Variants in RGS21 observed in about 807,000 individuals in gnomAD.
The protein encoded by RGS21 is regulator of G protein signaling 21.
Under a neutral mutation model 18.7 loss-of-function variants are expected in RGS21, and 19 were observed. The observed-to-expected ratio is 1.01, with a 90% CI of 0.71 to 1.49. The LOEUF (loss-of-function observed/expected upper bound fraction) is 1.49. RGS21 is among the 40% of genes most tolerant of loss of function. RGS21 has a pLI of 0.00. For synonymous variants in RGS21, 56 were observed against 57.8 expected (o/e 0.97, Z 0.14); for missense variants, 194 against 176.8 (o/e 1.10, Z -0.55).
chr1:192,359,241 T>C (rs1018183924), intron 4 of RGS21, among the ~76,000 whole-genome samples: 7 of 152,140 alleles, frequency 4.6e-5, no homozygotes, highest in African/African-American at 1.7e-4. Flanking sequence ...AGTAGCTATT[T>C]ATGTCAGTAA....
At chr1:192,364,057 A>G (rs1659222357) in intron 4 of RGS21, among the ~76,000 whole-genome samples, 2 of 152,170 alleles carry the variant, frequency 1.3e-5, no homozygotes, top group South Asian at 4.1e-4. Context: ...AACTATCAGC[A>G]GCTTAACACT....
At chr1:192,363,780 T>C (rs531628849) in intron 4 of RGS21, among the ~76,000 whole-genome samples, 1 of 152,230 alleles carries the variant, frequency 6.6e-6, no homozygotes, top group South Asian at 2.1e-4. Flanking sequence ...CAAGGTGTAG[T>C]GGCTCTTTAG....
Position 192,363,611 on chromosome 1 carries a change from G to C in RGS21, c.256-2310G>C, listed in dbSNP as rs111682059. ...GTATATGTTCATTATATAAGTTATC[G>C]TGCCACTTAACTGCACAAAACCTTT... On this transcript the variant is annotated intron_variant, in intron 4 of 4. Coordinates refer to ENST00000417209, the MANE Select transcript of RGS21 (RefSeq NM_001039152.3). 1.4e-3 allele frequency among the ~76,000 whole-genome samples: 211 copies of C among 152,086 alleles called. 3 individuals carry two copies. Among genetic ancestry groups the C allele is most frequent in the African/African-American group, 4.8e-3 (198 of 41,500 alleles).
chr1:192,338,416 T>C (rs1658803493), intron 1 of RGS21, among the ~76,000 whole-genome samples: 1 of 152,090 alleles, frequency 6.6e-6, no homozygotes, highest in Non-Finnish European at 1.5e-5. Flanking sequence ...TGTAAAAAAA[T>C]AATTAATCTT....
At chr1:192,364,868 C>T (rs1221228236) in intron 4 of RGS21, among the ~76,000 whole-genome samples, 1 of 152,042 alleles carries the variant, frequency 6.6e-6, no homozygotes, top group Non-Finnish European at 1.5e-5. Context: ...TACGGTGGCT[C>T]ATCCCTATAA....
chr1:192,320,826 C>T (rs2102220346), intron 1 of RGS21, among the ~76,000 whole-genome samples: 1 of 152,082 alleles, frequency 6.6e-6, no homozygotes, highest in East Asian at 1.9e-4. Flanking sequence ...TTCAGCTTGG[C>T]TGACCTTAAG....
intron 2 of RGS21, among the ~76,000 whole-genome samples, chr1:192,346,005 A>G (rs1449819495): frequency 6.6e-6 from 1 of 151,682 alleles, no homozygotes; most frequent in Non-Finnish European, 1.5e-5. Flanking sequence ...TATTTGAATG[A>G]AAAAAAACAC....
chr1:192,325,079 A>T (rs1658550031), intron 1 of RGS21, among the ~76,000 whole-genome samples: 2 of 152,016 alleles, frequency 1.3e-5, no homozygotes, highest in African/African-American at 4.8e-5. Context: ...ATTTTAGGTT[A>T]TTACATTATG....
intron 1 of RGS21, among the ~76,000 whole-genome samples, chr1:192,341,969 G>A (rs906123686): frequency 6.6e-6 from 1 of 152,034 alleles, no homozygotes; most frequent in African/African-American, 2.4e-5. Context: ...AAGGGATCGT[G>A]CTGATTGATG....
chr1:192,351,775 TAA>T lies in RGS21; in HGVS notation c.89-271_89-270del, dbSNP rs892778566. ...TAACACATATAATATATAACATATATAATATATATAACACATATATAGCACAT... is the reference window on the plus strand; with the variant it reads ...TAACACATATAATATATAACATATATTATATATAACACATATATAGCACAT... On this transcript the variant is annotated intron_variant, in intron 3 of 4. Coordinates refer to ENST00000417209, the MANE Select transcript of RGS21 (RefSeq NM_001039152.3). 6.8e-5 allele frequency among the ~76,000 whole-genome samples: 10 copies of T among 147,666 alleles called. No homozygotes were observed. In the South Asian group the frequency reaches 8.4e-4, roughly 12 times the overall value.
chr1:192,333,620 C>G (rs1251730837), intron 1 of RGS21, among the ~76,000 whole-genome samples: 1 of 46,244 alleles, frequency 2.2e-5, no homozygotes, highest in South Asian at 6.6e-4. Context: ...ATAATATTCT[C>G]AAAATGACAA....
At chr1:192,343,343 T>C (rs750337328) in intron 2 of RGS21, among the ~76,000 whole-genome samples, 1 of 152,066 alleles carries the variant, frequency 6.6e-6, no homozygotes, top group South Asian at 2.1e-4. Flanking sequence ...ACATAACATA[T>C]ACATGATTCT....
In RGS21 at chr1:192,366,259, T is replaced by C; in HGVS notation, c.*135T>C. On this transcript the variant is annotated 3_prime_UTR_variant, in exon 5 of 5. Coordinates refer to ENST00000417209, the MANE Select transcript of RGS21 (RefSeq NM_001039152.3). ...ACCCAAACAGATGAATAACGTTTTA[T>C]ACAACAAGCCTGAATTTCTAACTCA... is the stretch of plus-strand genomic sequence containing the variant. 1.6e-6 allele frequency: 1 copy of C among 627,936 alleles called. No individual in the cohort carries two copies. Among genetic ancestry groups the C allele is most frequent in the East Asian group, 2.8e-5 (1 of 35,434 alleles). 38.9% of individuals were successfully genotyped at this position (627,936 alleles called of 1,614,324 possible).
At chr1:192,334,519 C>T (rs1400349394) in intron 1 of RGS21, among the ~76,000 whole-genome samples, 1 of 151,986 alleles carries the variant, frequency 6.6e-6, no homozygotes, top group East Asian at 1.9e-4. Flanking sequence ...GGTCACTGGA[C>T]ATTGTTTCTA....
chr1:192,345,009 G>A (rs1658926538), intron 2 of RGS21, among the ~76,000 whole-genome samples: 1 of 151,714 alleles, frequency 6.6e-6, no homozygotes, highest in South Asian at 2.1e-4. Flanking sequence ...AAAACATTAG[G>A]AATTTTTCTT....
intron 1 of RGS21, among the ~76,000 whole-genome samples, chr1:192,336,224 G>A (rs1338416468): frequency 2.0e-5 from 3 of 152,150 alleles, no homozygotes; most frequent in Non-Finnish European, 4.4e-5. Flanking sequence ...AGAGACCGAG[G>A]AGGGTGGATC....
At chr1:192,339,516 C>T (rs1450273801) in intron 1 of RGS21, among the ~76,000 whole-genome samples, 3 of 151,616 alleles carry the variant, frequency 2.0e-5, no homozygotes, top group African/African-American at 7.3e-5. Flanking sequence ...ATTTTCCTAA[C>T]CCTGTTTTTT....
intron 1 of RGS21, among the ~76,000 whole-genome samples, chr1:192,341,059 T>C (rs1571455591): frequency 6.6e-6 from 1 of 151,824 alleles, no homozygotes; most frequent in African/African-American, 2.4e-5. Context: ...GCTTCTGGAG[T>C]CTTTGAGGAG....
chr1:192,344,246 T>A (rs1658915529), intron 2 of RGS21, among the ~76,000 whole-genome samples: 2 of 152,034 alleles, frequency 1.3e-5, no homozygotes, highest in African/African-American at 2.4e-5. Context: ...AAAAAAACAC[T>A]TTTTAGGTAG....
Sources: gnomAD v4.1 joint callset for allele counts (sites outside exome capture counted in the v4.1 genomes callset) on GRCh38, gnomAD v4.1.1 for gene constraint, MANE v1.5 for transcripts, NCBI Gene and HGNC (gene_info 2026-07-23, HGNC 2026-07-21) for gene names.